The following TRIM65 variants were observed in gnomAD, a reference collection of about 807,000 sequenced individuals.
TRIM65 encodes E3 ubiquitin-protein ligase TRIM65.
A neutral mutation model predicts 36.1 loss-of-function variants in TRIM65; 46 were observed. That is an observed-to-expected ratio of 1.27 (90% CI 1.01 to 1.63). The LOEUF (loss-of-function observed/expected upper bound fraction) is 1.63. TRIM65 is among the 40% of genes most tolerant of loss of function. The pLI, the probability that TRIM65 is intolerant of heterozygous loss-of-function variation, is 0.00. For missense variants in TRIM65, 708 were observed against 696.6 expected (o/e 1.02, Z -0.18); for synonymous variants, 346 against 313.6 (o/e 1.10, Z -1.09).
At position 75,882,498 on chromosome 17, in the gene TRIM65, C is replaced by T. The variant is rs186248158; in HGVS notation, c.350-1869G>A. On this transcript the variant is annotated intron_variant, in intron 4 of 4. Transcript: ENST00000591668. ...TGCTGGGATTACAGACGTGAGCCAC[C>T]GCGCCCAGCCTGGCATCTTGCTATT... is the stretch of plus-strand genomic sequence containing the variant. Among the ~76,000 whole-genome samples the T allele has an allele frequency of 8.4e-4, 126 of 150,778 alleles. 1 individual carries two copies. Among genetic ancestry groups the T allele is most frequent in the South Asian group, 1.7e-3 (8 of 4,828 alleles).
At chr17:75,885,771 A>C (rs2065202572), downstream of TRIM65, among the ~76,000 whole-genome samples, 1 of 152,174 alleles carries the variant, frequency 6.6e-6, no homozygotes, top group South Asian at 2.1e-4. Context: ...CTGGGCATGG[A>C]ATCCTAGGAT....
chr17:75,887,642 G>A (rs1411336362), downstream of TRIM65, among the ~76,000 whole-genome samples: 3 of 120,780 alleles, frequency 2.5e-5, no homozygotes, highest in African/African-American at 7.3e-5. Flanking sequence ...GTGAGACTCC[G>A]TCTCAAAAAA....
downstream of TRIM65, among the ~76,000 whole-genome samples, chr17:75,885,560 A>C (rs1460935550): frequency 6.6e-6 from 1 of 152,208 alleles, no homozygotes; most frequent in Admixed American, 6.5e-5. Flanking sequence ...GTTTGTGCTC[A>C]TGTTTCTGGA....
At chr17:75,887,951 C>T (rs1434395852), downstream of TRIM65, among the ~76,000 whole-genome samples, 7 of 152,024 alleles carry the variant, frequency 4.6e-5, no homozygotes, top group East Asian at 5.8e-4. Context: ...GTCAGGAGAT[C>T]GAGATCATCC....
Position 75,890,887 on chromosome 17 carries a change from G to T in TRIM65, c.1446C>A (p.Asn482Lys), listed in dbSNP as rs1433869704. The part of the protein sequence containing the change: ...QPLYTFHALF[N>K]QPLTPVFWLL... The stretch of plus-strand genomic sequence containing the variant: ...GCCAGAAGACGGGGGTGAGGGGCTG[G>T]TTGAAGAGGGCATGGAAGGTGTACA... The change falls in exon 6 of 6, where the codon AAC becomes AAA. Residue 482 changes from asparagine to lysine, a missense_variant. Asn to Lys is a moderately conservative substitution (Grantham distance 94). Transcript: ENST00000269383. 6.5e-7 allele frequency: 1 copy of T among 1,534,074 alleles called. No individual in the cohort carries two copies. The highest frequency in any genetic ancestry group is 8.7e-7 in the Non-Finnish European group (1 of 1,143,820).
chr17:75,883,500 C>CT (rs1341423499), intron 4 of TRIM65, among the ~76,000 whole-genome samples: 1 of 143,986 alleles, frequency 6.9e-6, no homozygotes, highest in African/African-American at 2.6e-5. Context: ...GTTTCATTGT[C>CT]TTTTTTTCTC....
At chr17:75,885,534 C>T (rs777202060), downstream of TRIM65, among the ~76,000 whole-genome samples, 10 of 152,222 alleles carry the variant, frequency 6.6e-5, no homozygotes, top group Non-Finnish European at 1.0e-4. Context: ...CGGGAGCCAC[C>T]GCGCCCAGCC....
chr17:75,896,882 T>C lies in TRIM65; in HGVS notation c.56A>G (p.Tyr19Cys), dbSNP rs951818053. 24 of 1,528,714 alleles carry C rather than the reference T, an allele frequency of 1.6e-5. No homozygotes were observed. Among genetic ancestry groups the C allele is most frequent in the Admixed American group, 4.0e-5 (2 of 49,574 alleles). 94.7% of individuals were successfully genotyped at this position (1,528,714 alleles called of 1,614,324 possible). A position where few individuals can be genotyped will look rare whatever the true frequency, so the allele number is the denominator to read the frequency against. Residue 19 changes from tyrosine to cysteine, a missense_variant, in exon 1 of 6, where the codon TAC becomes TGC. Tyr to Cys is a radical substitution (Grantham distance 194). Coordinates refer to ENST00000269383, the MANE Select transcript of TRIM65 (RefSeq NM_173547.4). ...GCAGGGCAGCGTCACTGGGTCCTGG[T>C]AGAGCCCCAGGCAGATGGCGCAGGT... ...KLTCAICLGLYQDPVTLPCGH... is the reference protein window; with the variant it reads ...KLTCAICLGLCQDPVTLPCGH...
chr17:75,891,742 CTCACAGCACACACAGG>C (rs2065269752), intron 5 of TRIM65, 55 bp downstream of exon 5: 1 of 1,013,964 alleles, frequency 9.9e-7, no homozygotes, highest in African/African-American at 2.9e-5. Context: ...CACACACGTG[CTCACAGCACACACAGG>C]CACTTCCTTG....
In TRIM65 at chr17:75,892,000, G is replaced by T. The variant is rs1302264224; in HGVS notation, c.919+11C>A. ...CCAGGACAGCAGGGGGAGGCCTGGG[G>T]TCAGTCTTACCCACGGGGGCTAAGT... On this transcript the variant is annotated intron_variant, in intron 4 of 5. Coordinates refer to ENST00000269383, the MANE Select transcript of TRIM65 (RefSeq NM_173547.4). 1 of 1,551,874 alleles carries T rather than the reference G, an allele frequency of 6.4e-7. No homozygotes were observed.
downstream of TRIM65, among the ~76,000 whole-genome samples, chr17:75,887,924 G>C (rs1041379008): frequency 1.3e-5 from 2 of 152,116 alleles, no homozygotes; most frequent in Admixed American, 6.5e-5. Context: ...GAGAGGCCAA[G>C]GTGGGTGGAT....
chr17:75,895,455 C>G (rs1355117427), intron 1 of TRIM65, among the ~76,000 whole-genome samples: 1 of 152,152 alleles, frequency 6.6e-6, no homozygotes, highest in Non-Finnish European at 1.5e-5. Flanking sequence ...AGGACCCTGC[C>G]CGATCCTGCC....
chr17:75,896,189 G>A (rs1267017650), intron 1 of TRIM65, among the ~76,000 whole-genome samples: 1 of 152,188 alleles, frequency 6.6e-6, no homozygotes, highest in Non-Finnish European at 1.5e-5. Context: ...CCGAGTAGAT[G>A]GGACTACAGG....
At position 75,896,787 on chromosome 17, in the gene TRIM65, G is replaced by A. The variant is rs1461673720; in HGVS notation, c.151C>T (p.Arg51Trp). 2.7e-6 allele frequency: 4 copies of A among 1,502,014 alleles called. No homozygotes were observed. Among genetic ancestry groups the A allele is most frequent in the Admixed American group, 2.1e-5 (1 of 47,006 alleles). 93.0% of individuals were successfully genotyped at this position (1,502,014 alleles called of 1,614,324 possible). The change falls in exon 1 of 6, where the codon CGG (arginine) becomes TGG (tryptophan). Residue 51 changes from arginine to tryptophan, a missense_variant. Coordinates refer to ENST00000269383, the MANE Select transcript of TRIM65 (RefSeq NM_173547.4). ...DRCGKACPEC[R>W]EPFPDGAELR... ...TCGGCGCCGTCGGGAAAGGGCTCCC[G>A]GCACTCGGGGCACGCCTTTCCGCAG...
At chr17:75,886,946 G>A (rs1036506814), downstream of TRIM65, among the ~76,000 whole-genome samples, 1 of 152,078 alleles carries the variant, frequency 6.6e-6, no homozygotes, top group African/African-American at 2.4e-5. Flanking sequence ...CTTGAAGCTA[G>A]GAGTTCAGGA....
chr17:75,893,402 G>A (rs1033904379), intron 1 of TRIM65, among the ~76,000 whole-genome samples: 10 of 152,114 alleles, frequency 6.6e-5, no homozygotes, highest in East Asian at 3.9e-4. Flanking sequence ...CTGGGGATCC[G>A]GCCAGTCCCT....
At chr17:75,894,765 G>A (rs886127768) in intron 1 of TRIM65, among the ~76,000 whole-genome samples, 24 of 152,194 alleles carry the variant, frequency 1.6e-4, no homozygotes, top group African/African-American at 5.3e-4. Flanking sequence ...TCCTGACCTC[G>A]TGATCCACCG....
At chr17:75,896,483 C>T in intron 1 of TRIM65, 41 bp downstream of exon 1, 2 of 1,290,284 alleles carry the variant, frequency 1.6e-6, no homozygotes, top group African/African-American at 1.6e-5. Context: ...GGCCAGGCTG[C>T]GGCGGGTCCG....
chr17:75,896,631 C>T lies in TRIM65; in HGVS notation c.307G>A (p.Glu103Lys), dbSNP rs535596424. 142 of 1,245,168 alleles carry T rather than the reference C, an allele frequency of 1.1e-4. 1 individual carries two copies. Among genetic ancestry groups the T allele is most frequent in the Middle Eastern group, 9.2e-4 (3 of 3,252 alleles). 77.1% of individuals were successfully genotyped at this position (1,245,168 alleles called of 1,614,324 possible). Residue 103 changes from glutamate to lysine, a missense_variant, in exon 1 of 6, where the codon GAG becomes AAG. Glu to Lys is a moderately conservative substitution (Grantham distance 56). Coordinates refer to ENST00000269383, the MANE Select transcript of TRIM65 (RefSeq NM_173547.4). ...ARCPRHGRPL[E>K]LFCRTEGRCV... ...CGGCCCTCGGTCCGGCAGAAGAGCT[C>T]CAGCGGCCGCCCGTGGCGGGGGCAG...
Sources: allele counts gnomAD v4.1 joint callset (sites outside exome capture counted in the v4.1 genomes callset), GRCh38; gene constraint gnomAD v4.1.1; transcripts MANE v1.5; gene names NCBI Gene and HGNC (gene_info 2026-07-23, HGNC 2026-07-21).